The following B3GALNT2 variants were observed in gnomAD, a reference collection of about 807,000 sequenced individuals.
B3GALNT2 encodes the protein UDP-GalNAc:beta-1,3-N-acetylgalactosaminyltransferase 2.
B3GALNT2 carries 53 observed loss-of-function variants against 61.1 expected under a neutral mutation model. That is an observed-to-expected ratio of 0.87 (90% CI 0.70 to 1.09). The LOEUF is 1.09. Ranked by LOEUF, B3GALNT2 falls within the 50% of genes least tolerant of loss-of-function variation. B3GALNT2 has a pLI of 0.00. For synonymous variants in B3GALNT2, 223 were observed against 237.4 expected (o/e 0.94, Z 0.56); for missense variants, 544 against 623.0 (o/e 0.87, Z 1.35).
chr1:235,484,370 C>A lies in B3GALNT2; in HGVS notation c.507G>T (p.Val169=). Residue 169 remains valine, a synonymous_variant, in exon 4 of 12, where the codon GTG becomes GTT. Coordinates refer to ENST00000366600, the MANE Select transcript of B3GALNT2 (RefSeq NM_152490.5). ...TGACAGTGATGTTCCTCTGGAAACC[C>A]ACATCATTGGCATCGTAGAACACTC... The part of the protein sequence containing the change: ...SLGVFYDAND[V]GFQRNITVKL... The A allele has an allele frequency of 6.2e-7, 1 of 1,614,090 alleles. No individual in the cohort carries two copies. The highest frequency in any genetic ancestry group is 8.5e-7 in the Non-Finnish European group (1 of 1,180,002).
downstream of B3GALNT2, among the ~76,000 whole-genome samples, chr1:235,444,152 T>C (rs943784748): frequency 6.6e-6 from 1 of 152,254 alleles, no homozygotes; most frequent in Non-Finnish European, 1.5e-5. Context: ...GTATTGCTTA[T>C]AGAAGGCCTT....
In B3GALNT2 at chr1:235,448,405, G is replaced by A. The variant is rs749208716; in HGVS notation, c.*1801C>T. On this transcript the variant is annotated 3_prime_UTR_variant, in exon 12 of 12. Transcript: ENST00000366600. ...GCTGTCACGTCTTCTCAAAGTTCCT[G>A]TGTCAGACCTTCTGTTGTCCTATGA... is the stretch of plus-strand genomic sequence containing the variant. The A allele has an allele frequency of 5.0e-6, 8 of 1,613,986 alleles. No individual in the cohort carries two copies. Among genetic ancestry groups the A allele is most frequent in the Non-Finnish European group, 5.9e-6 (7 of 1,180,016 alleles).
chr1:235,442,995 A>G, downstream of B3GALNT2: 1 of 1,377,316 alleles, frequency 7.3e-7, no homozygotes, highest in African/African-American at 1.4e-5. Context: ...CCTTTAACTC[A>G]TGTCTCAAAG....
chr1:235,442,742 C>A, downstream of B3GALNT2: 1 of 1,007,550 alleles, frequency 9.9e-7, no homozygotes. Flanking sequence ...TTAGACCTGC[C>A]AATTTGCACT....
Position 235,447,946 on chromosome 1 carries a change from C to T in B3GALNT2, c.*2260G>A, listed in dbSNP as rs145844163. On this transcript the variant is annotated 3_prime_UTR_variant, in exon 12 of 12. Coordinates refer to ENST00000366600, the MANE Select transcript of B3GALNT2 (RefSeq NM_152490.5). ...GAAAGATACAGCCAGGCGCTGGGCT[C>T]ATGCTTGTAATCCCAGCACTTTGGG... Among the ~76,000 whole-genome samples, 3 of 152,012 alleles carry T rather than the reference C, an allele frequency of 2.0e-5. No homozygotes were observed. The highest frequency in any genetic ancestry group is 1.9e-4 in the East Asian group (1 of 5,174).
At chr1:235,495,407 G>A (rs181964574) in intron 1 of B3GALNT2, among the ~76,000 whole-genome samples, 12 of 152,226 alleles carry the variant, frequency 7.9e-5, no homozygotes, top group Admixed American at 3.9e-4. Context: ...TAAGTTTGGC[G>A]GATGACGCTG....
rs765092679 is a variant in B3GALNT2, at chr1:235,489,306, T to C, written c.261-38A>G. On this transcript the variant is annotated intron_variant, in intron 2 of 11. Coordinates refer to ENST00000366600, the MANE Select transcript of B3GALNT2 (RefSeq NM_152490.5). ...TTGGCATTAACATCAGTTACTGATC[T>C]TCACCTCGCACATGCACGTTTCCTC... 3.1e-6 allele frequency: 5 copies of C among 1,609,484 alleles called. No homozygotes were observed. In the Admixed American group the frequency reaches 6.7e-5, roughly 22 times the overall value.
chr1:235,440,108 C>T, the B3GALNT2 span, among the ~76,000 whole-genome samples: 13 of 151,798 alleles, frequency 8.6e-5, no homozygotes, highest in East Asian at 2.4e-3. Context: ...GTGGCTGGGA[C>T]TACAGGCGCC....
chr1:235,485,526 T>C (rs185961124), intron 3 of B3GALNT2, among the ~76,000 whole-genome samples: 30 of 152,182 alleles, frequency 2.0e-4, no homozygotes, highest in Non-Finnish European at 3.5e-4. Context: ...AGGCTGGTCT[T>C]GAACTGCAAT....
chr1:235,489,480 T>C (rs1010687992), intron 2 of B3GALNT2, among the ~76,000 whole-genome samples: 3 of 152,206 alleles, frequency 2.0e-5, no homozygotes, highest in Non-Finnish European at 4.4e-5. Flanking sequence ...CTTATTGCAA[T>C]GCTATATTAA....
intron 7 of B3GALNT2, among the ~76,000 whole-genome samples, chr1:235,460,529 A>G (rs1683372045): frequency 6.6e-6 from 1 of 150,942 alleles, no homozygotes; most frequent in Non-Finnish European, 1.5e-5. Flanking sequence ...AGCACTGGGT[A>G]CCTGGCTGTT....
At position 235,503,613 on chromosome 1, in the gene B3GALNT2, A is replaced by C. The variant is rs141413931; in HGVS notation, c.112+528T>G. On this transcript the variant is annotated intron_variant, in intron 1 of 11. Coordinates refer to ENST00000366600, the MANE Select transcript of B3GALNT2 (RefSeq NM_152490.5). Reference sequence around the variant, plus strand: ...AACCGACTTACATCATAATCCAAGAATACGAACTACAGTATATTCTTACAG... The same window carrying C: ...AACCGACTTACATCATAATCCAAGACTACGAACTACAGTATATTCTTACAG... Among the ~76,000 whole-genome samples the C allele has an allele frequency of 2.1e-3, 316 of 152,378 alleles. 2 individuals are homozygous for C. The highest frequency in any genetic ancestry group is 7.3e-3 in the African/African-American group (304 of 41,586).
At chr1:235,496,271 A>G (rs1685316434) in intron 1 of B3GALNT2, 1 of 510,042 alleles carries the variant, frequency 2.0e-6, no homozygotes. Flanking sequence ...AGACCGCGCC[A>G]TTGCACTCCA....
At position 235,450,235 on chromosome 1, in the gene B3GALNT2, C is replaced by T. The variant is rs772910525; in HGVS notation, c.1474G>A (p.Gly492Ser). The T allele has an allele frequency of 5.3e-5, 86 of 1,614,004 alleles. No homozygotes were observed. The Admixed American group carries it at 6.2e-4, about 12-fold the overall frequency. ...CTTGCTTGACATCGACAAGGATCAC[C>T]GCACCGTTCCTTCAGTTTCCACAGT... The part of the protein sequence containing the change: ...TELWKLKERC[G>S]DPCRCQAR The change falls in exon 12 of 12, where the codon GGT (glycine) becomes AGT (serine). Residue 492 changes from glycine to serine, a missense_variant. Physicochemically the swap from Gly to Ser is moderately conservative, Grantham distance 56 (BLOSUM62 0). Transcript: ENST00000366600.
intron 11 of B3GALNT2, chr1:235,450,542 G>A (rs952257453): frequency 3.6e-6 from 2 of 550,744 alleles, no homozygotes; most frequent in Non-Finnish European, 3.2e-6. Context: ...TCCTGTGGCT[G>A]TGGAATACAG....
rs1685749877 is a variant in B3GALNT2, at chr1:235,504,400, G to C, written c.-148C>G. The C allele has an allele frequency of 2.4e-6, 2 of 821,186 alleles. No individual in the cohort carries two copies. Among genetic ancestry groups the C allele is most frequent in the Non-Finnish European group, 3.4e-6 (2 of 583,664 alleles). 50.9% of individuals were successfully genotyped at this position (821,186 alleles called of 1,614,324 possible). ...CTCGGCGACGTCTGGGGGGCTCCTC[G>C]CAGCTCCCGGCCCCGCTCCTCCGGT... On this transcript the variant is annotated 5_prime_UTR_variant, in exon 1 of 12. Coordinates refer to ENST00000366600, the MANE Select transcript of B3GALNT2 (RefSeq NM_152490.5).
In B3GALNT2 at chr1:235,497,126, C is replaced by CA. The variant is rs572043937; in HGVS notation, c.113-2299dup. 1.4e-3 allele frequency among the ~76,000 whole-genome samples: 210 copies of CA among 152,184 alleles called. 1 individual carries two copies. Among genetic ancestry groups the CA allele is most frequent in the African/African-American group, 5.0e-3 (207 of 41,516 alleles). ...AGCTCAGAACATTTTTTCTCAGATA[C>CA]ATAACTATATGATGGAAGTTGTACC... On this transcript the variant is annotated intron_variant, in intron 1 of 11. Transcript: ENST00000366600.
intron 1 of B3GALNT2, among the ~76,000 whole-genome samples, chr1:235,495,537 T>TA (rs202001422): frequency 2.2e-4 from 33 of 147,156 alleles, no homozygotes; most frequent in East Asian, 9.8e-4. Context: ...ACACTTTTAG[T>TA]AAAAAAAAAA....
chr1:235,496,313 A>G (rs1165055508), intron 1 of B3GALNT2: 2 of 847,566 alleles, frequency 2.4e-6, no homozygotes, highest in Non-Finnish European at 3.0e-6. Flanking sequence ...CTCCACCTGA[A>G]AAAAAAAAAA....
Sources: gnomAD v4.1 joint callset for allele counts (sites outside exome capture counted in the v4.1 genomes callset) on GRCh38, gnomAD v4.1.1 for gene constraint, MANE v1.5 for transcripts, NCBI Gene and HGNC (gene_info 2026-07-23, HGNC 2026-07-21) for gene names.